The following LRRC4C variants were observed in gnomAD, a reference collection of about 807,000 sequenced individuals.
LRRC4C encodes the protein leucine rich repeat containing 4C, also known as leucine-rich repeat-containing protein 4C.
In LRRC4C, 5 loss-of-function variants were observed where a neutral mutation model predicts 33.6. The observed-to-expected ratio is 0.15, with a 90% CI of 0.08 to 0.31. The LOEUF (loss-of-function observed/expected upper bound fraction) is 0.31. LRRC4C is among the 10% of genes least tolerant of loss of function. LRRC4C has a pLI of 1.00. For missense variants in LRRC4C, 560 were observed against 796.7 expected (o/e 0.70, Z 3.58); for synonymous variants, 329 against 302.0 (o/e 1.09, Z -0.93).
intron 2 of LRRC4C, among the ~76,000 whole-genome samples, chr11:40,770,141 C>T (rs1949685718): frequency 6.6e-6 from 1 of 152,120 alleles, no homozygotes; most frequent in Non-Finnish European, 1.5e-5. Context: ...TAAAGAACTG[C>T]CCGAGACTGG....
chr11:41,166,826 A>T (rs772337423), intron 1 of LRRC4C, among the ~76,000 whole-genome samples: 28 of 152,178 alleles, frequency 1.8e-4, no homozygotes, highest in Non-Finnish European at 2.9e-4. Context: ...AAACAAACAC[A>T]TGTATGATGC....
chr11:40,732,134 G>A (rs1422515764), intron 2 of LRRC4C, among the ~76,000 whole-genome samples: 1 of 151,672 alleles, frequency 6.6e-6, no homozygotes. Flanking sequence ...TAATTATTTT[G>A]TAAAGTTCTT....
At chr11:40,632,429 G>A (rs1963550877) in intron 3 of LRRC4C, among the ~76,000 whole-genome samples, 1 of 152,308 alleles carries the variant, frequency 6.6e-6, no homozygotes, top group South Asian at 2.1e-4. Flanking sequence ...GTAGTTCCCT[G>A]ACACTGTCCA....
intron 2 of LRRC4C, among the ~76,000 whole-genome samples, chr11:40,865,511 G>GTATATATATA (rs68153820): frequency 2.2e-4 from 32 of 147,058 alleles, no homozygotes; most frequent in African/African-American, 6.7e-4. Flanking sequence ...TCCACAGTGT[G>GTATATATATA]TATATATATA....
chr11:40,591,476 T>C (rs962253256), intron 3 of LRRC4C, among the ~76,000 whole-genome samples: 4 of 152,324 alleles, frequency 2.6e-5, no homozygotes, highest in African/African-American at 9.6e-5. Context: ...ACCGGAGCTG[T>C]TCCTATTCGG....
intron 5 of LRRC4C, among the ~76,000 whole-genome samples, chr11:40,222,985 G>A (rs1044019692): frequency 1.4e-5 from 2 of 142,294 alleles, no homozygotes; most frequent in Non-Finnish European, 3.0e-5. Context: ...GGAACAGTGA[G>A]CGGTCTCATT....
At chr11:41,235,791 A>ATACATG (rs1169534701) in intron 1 of LRRC4C, among the ~76,000 whole-genome samples, 1 of 152,112 alleles carries the variant, frequency 6.6e-6, no homozygotes, top group East Asian at 1.9e-4. Flanking sequence ...ATTTATATGT[A>ATACATG]TACATGTTCT....
chr11:40,336,877 T>C (rs1946634824), intron 3 of LRRC4C, among the ~76,000 whole-genome samples: 1 of 144,646 alleles, frequency 6.9e-6, no homozygotes, highest in Non-Finnish European at 1.5e-5. Context: ...CTCGGGAGGC[T>C]GAGGCAGGAG....
At chr11:40,409,093 CA>C (rs1444286937) in intron 3 of LRRC4C, among the ~76,000 whole-genome samples, 1 of 151,718 alleles carries the variant, frequency 6.6e-6, no homozygotes, top group Non-Finnish European at 1.5e-5. Context: ...CCCAGAAATC[CA>C]CACATTTATG....
chr11:40,736,518 G>A (rs1303791282), intron 2 of LRRC4C, among the ~76,000 whole-genome samples: 1 of 151,956 alleles, frequency 6.6e-6, no homozygotes, highest in Non-Finnish European at 1.5e-5. Flanking sequence ...TAATCCTTTG[G>A]GTATATACCC....
At chr11:41,141,506 A>C (rs1360582517) in intron 1 of LRRC4C, among the ~76,000 whole-genome samples, 1 of 152,196 alleles carries the variant, frequency 6.6e-6, no homozygotes, top group South Asian at 2.1e-4. Context: ...GTTTGGCTCT[A>C]TGTCCCCACC....
At chr11:41,088,735 A>G (rs1940187380) in intron 1 of LRRC4C, among the ~76,000 whole-genome samples, 1 of 152,076 alleles carries the variant, frequency 6.6e-6, no homozygotes. Flanking sequence ...TAATAATTTG[A>G]ATAGATCAGA....
intron 3 of LRRC4C, among the ~76,000 whole-genome samples, chr11:40,387,383 T>C (rs919935191): frequency 2.0e-5 from 3 of 152,174 alleles, no homozygotes; most frequent in African/African-American, 4.8e-5. Context: ...ATTTGTCCCT[T>C]TCTTCGGGCA....
At chr11:40,698,653 C>T (rs1421955844) in intron 2 of LRRC4C, among the ~76,000 whole-genome samples, 2 of 152,048 alleles carry the variant, frequency 1.3e-5, no homozygotes, top group African/African-American at 2.4e-5. Context: ...CTTTATTAGT[C>T]CATTTTCTTG....
chr11:41,183,061 C>A lies in LRRC4C; in HGVS notation c.-495-249338G>T, dbSNP rs552694699. On this transcript the variant is annotated intron_variant, in intron 1 of 6. Coordinates refer to ENST00000528697, the MANE Select transcript of LRRC4C (RefSeq NM_001258419.2). Reference sequence around the variant, plus strand: ...ATGAGAACAGCACAGAAAAGACCCACCCCCATGATTTAATTACCTCCCACT... The same window carrying A: ...ATGAGAACAGCACAGAAAAGACCCAACCCCATGATTTAATTACCTCCCACT... Among the ~76,000 whole-genome samples, 8 of 152,100 alleles carry A rather than the reference C, an allele frequency of 5.3e-5. No individual in the cohort carries two copies. In the South Asian group the frequency reaches 1.7e-3, roughly 32 times the overall value.
At chr11:41,120,237 T>C (rs754683637) in intron 1 of LRRC4C, among the ~76,000 whole-genome samples, 87 of 152,152 alleles carry the variant, frequency 5.7e-4, no homozygotes, top group Non-Finnish European at 1.1e-3. Context: ...ATAAATGAAA[T>C]AAGTAAATTC....
At chr11:40,364,611 G>A (rs978024527) in intron 3 of LRRC4C, among the ~76,000 whole-genome samples, 2 of 152,138 alleles carry the variant, frequency 1.3e-5, no homozygotes, top group East Asian at 3.9e-4. Context: ...ATATATGTAA[G>A]GATGTCTCAG....
intron 2 of LRRC4C, among the ~76,000 whole-genome samples, chr11:40,888,581 G>A (rs1292027941): frequency 6.6e-6 from 1 of 151,898 alleles, no homozygotes; most frequent in Non-Finnish European, 1.5e-5. Flanking sequence ...AGGAAACTAA[G>A]TTGTACATCC....
At chr11:40,424,958 A>G (rs1950657637) in intron 3 of LRRC4C, among the ~76,000 whole-genome samples, 1 of 152,188 alleles carries the variant, frequency 6.6e-6, no homozygotes, top group Admixed American at 6.5e-5. Flanking sequence ...ATCTTAGAAA[A>G]CAGATGTTCC....
Sources: gnomAD v4.1 joint callset for allele counts (sites outside exome capture counted in the v4.1 genomes callset) on GRCh38, gnomAD v4.1.1 for gene constraint, MANE v1.5 for transcripts, NCBI Gene and HGNC (gene_info 2026-07-23, HGNC 2026-07-21) for gene names.